Variants in DYNC1H1 observed in about 807,000 individuals in gnomAD.
DYNC1H1 encodes the protein dynein cytoplasmic 1 heavy chain 1.
In DYNC1H1, 51 loss-of-function variants were observed where a neutral mutation model predicts 527.1. That is an observed-to-expected ratio of 0.10 (90% CI 0.08 to 0.12). DYNC1H1 has a LOEUF of 0.12. DYNC1H1 is among the 10% of genes least tolerant of loss of function. The pLI is 1.00. For synonymous variants in DYNC1H1, 2,189 were observed against 2,278.8 expected (o/e 0.96, Z 1.12); for missense variants, 2,771 against 5,971.8 (o/e 0.46, Z 17.66).
Position 102,032,267 on chromosome 14 carries a change from C to T in DYNC1H1, c.9884-5C>T. Reference sequence around the variant, plus strand: ...CGACCCTCATCCACTCCTGCTGCCACTCAGCTGTGAAGTCGATCAAGAAGC... The same window carrying T: ...CGACCCTCATCCACTCCTGCTGCCATTCAGCTGTGAAGTCGATCAAGAAGC... On this transcript the variant is annotated splice_polypyrimidine_tract_variant and splice_region_variant and intron_variant, in intron 51 of 77. Coordinates refer to ENST00000360184, the MANE Select transcript of DYNC1H1 (RefSeq NM_001376.5). 1 of 1,613,620 alleles carries T rather than the reference C, an allele frequency of 6.2e-7. No individual in the cohort carries two copies. The highest frequency in any genetic ancestry group is 2.2e-5 in the East Asian group (1 of 44,884).
intron 4 of DYNC1H1, 138 bp from the exon 5 acceptor site, chr14:101,980,226 C>T: frequency 8.2e-7 from 1 of 1,221,974 alleles, no homozygotes; most frequent in Non-Finnish European, 1.2e-6. Flanking sequence ...GATTTCAAAT[C>T]AAGCCACTTT....
chr14:102,040,371 C>A lies in DYNC1H1; in HGVS notation c.11826C>A (p.Pro3942=), dbSNP rs372407438. The A allele has an allele frequency of 6.2e-7, 1 of 1,614,188 alleles. No individual in the cohort carries two copies. The highest frequency in any genetic ancestry group is 1.1e-5 in the South Asian group (1 of 91,084). The change falls in exon 63 of 78, where the codon CCC becomes CCA. Residue 3942 remains proline, a synonymous_variant. Coordinates refer to ENST00000360184, the MANE Select transcript of DYNC1H1 (RefSeq NM_001376.5). ...AEAVVRLSCL[P]AFKDLIAKVQ... ...CGGTGGTGAGGCTGAGCTGCCTTCCCGCGTTTAAGGACTTGATTGCAAAGG... is the reference window on the plus strand; with the variant it reads ...CGGTGGTGAGGCTGAGCTGCCTTCCAGCGTTTAAGGACTTGATTGCAAAGG...
chr14:102,009,641 T>C, intron 29 of DYNC1H1: 2 of 699,888 alleles, frequency 2.9e-6, no homozygotes, highest in Non-Finnish European at 4.6e-6. Flanking sequence ...GCACATGAGG[T>C]ACATGGGAAT....
intron 2 of DYNC1H1, among the ~76,000 whole-genome samples, chr14:101,978,722 T>A (rs2047829520): frequency 6.6e-6 from 1 of 152,174 alleles, no homozygotes; most frequent in Non-Finnish European, 1.5e-5. Flanking sequence ...ACATGAAGAC[T>A]GGAGAGATTG....
chr14:101,982,111 T>C (rs2047873813), intron 5 of DYNC1H1, among the ~76,000 whole-genome samples: 1 of 152,090 alleles, frequency 6.6e-6, no homozygotes, highest in Non-Finnish European at 1.5e-5. Context: ...TAGATTCTCA[T>C]AGGGGCGCAA....
intron 9 of DYNC1H1, among the ~76,000 whole-genome samples, chr14:101,988,345 G>A (rs1482651840): frequency 1.3e-5 from 2 of 152,228 alleles, no homozygotes; most frequent in Non-Finnish European, 2.9e-5. Context: ...GACAAGTGGG[G>A]ATGGGTAGAA....
At position 101,980,448 on chromosome 14, in the gene DYNC1H1, C is replaced by T. The variant is rs368436945; in HGVS notation, c.859C>T (p.Arg287Cys). Residue 287 changes from arginine (R) to cysteine (C), a missense_variant, in exon 5 of 78, where the codon CGC becomes TGC. Physicochemically the swap from Arg to Cys is radical, Grantham distance 180. Around this residue, in one of 32 missense-constraint regions of DYNC1H1, gnomAD observed 146 missense variants for 288.1 expected, o/e 0.51. Transcript: ENST00000360184. ...FWLNLERALY[R>C]IQEKRESPEV... ...GCTAAACTTGGAACGTGCGTTATACCGCATCCAGGAGAAACGGGAGAGCCC... is the reference window on the plus strand; with the variant it reads ...GCTAAACTTGGAACGTGCGTTATACTGCATCCAGGAGAAACGGGAGAGCCC... The T allele has an allele frequency of 2.5e-6, 4 of 1,614,176 alleles. No homozygotes were observed. Among genetic ancestry groups the T allele is most frequent in the Non-Finnish European group, 3.4e-6 (4 of 1,180,042 alleles).
rs548352500 is a variant in DYNC1H1, at chr14:101,965,993, C to A, written c.256+1046C>A. ...GATTCATTACAACCACTTTGTAGCC[C>A]ATTACAACCACTTTGGGTGTGGCGT... On this transcript the variant is annotated intron_variant, in intron 1 of 77. Transcript: ENST00000360184. The surrounding 1 kb of genome is among the most constrained non-coding windows in gnomAD (Gnocchi z 4.1). 2.0e-5 allele frequency among the ~76,000 whole-genome samples: 3 copies of A among 152,212 alleles called. No homozygotes were observed. In the East Asian group the frequency reaches 5.8e-4, roughly 30 times the overall value.
At position 101,983,684 on chromosome 14, in the gene DYNC1H1, TTG is replaced by T; in HGVS notation, c.1461+77_1461+78del. On this transcript the variant is annotated intron_variant, in intron 7 of 77. Coordinates refer to ENST00000360184, the MANE Select transcript of DYNC1H1 (RefSeq NM_001376.5). This position sits in a 1 kb window ranked among gnomAD's most constrained non-coding sequence, Gnocchi z 5.3. ...TTTTTTGTTTGGTGTTTTTTTTTTG[TTG>T]TTGTTGTTGAGATGAAGTTTCACTC... is the stretch of plus-strand genomic sequence containing the variant. 12 of 1,471,798 alleles carry T rather than the reference TTG, an allele frequency of 8.2e-6. No individual in the cohort carries two copies. Among genetic ancestry groups the T allele is most frequent in the African/African-American group, 1.4e-5 (1 of 69,584 alleles). The allele number at this position is 1,471,798 out of a possible 1,614,324, so 91.2% of individuals were successfully genotyped here.
chr14:102,048,183 C>T, intron 73 of DYNC1H1, 155 bp downstream of exon 73: 1 of 1,011,790 alleles, frequency 9.9e-7, no homozygotes, highest in Non-Finnish European at 1.5e-6. Context: ...TGAGCCCAGG[C>T]ATTGGGCAAG....
intron 11 of DYNC1H1, among the ~76,000 whole-genome samples, chr14:101,992,376 C>G (rs902987985): frequency 5.9e-5 from 9 of 152,304 alleles, no homozygotes; most frequent in Admixed American, 5.9e-4. Context: ...CACTGTCCAG[C>G]TAATCAGAAC....
At chr14:102,028,206 A>T (rs2048471771) in intron 48 of DYNC1H1, 65 bp downstream of exon 48, 1 of 1,585,374 alleles carries the variant, frequency 6.3e-7, no homozygotes, top group Admixed American at 1.7e-5. Flanking sequence ...TATAAAACTA[A>T]ATTGCTATAA....
At chr14:102,022,110 T>G (rs937501333) in intron 42 of DYNC1H1, among the ~76,000 whole-genome samples, 1 of 151,566 alleles carries the variant, frequency 6.6e-6, no homozygotes, top group East Asian at 2.0e-4. Flanking sequence ...CACTTCAGCC[T>G]GGGCAACAGA....
chr14:102,005,816 G>C lies in DYNC1H1; in HGVS notation c.5434-72G>C. On this transcript the variant is annotated intron_variant, in intron 26 of 77. Coordinates refer to ENST00000360184, the MANE Select transcript of DYNC1H1 (RefSeq NM_001376.5). This position sits in a 1 kb window ranked among gnomAD's most constrained non-coding sequence, Gnocchi z 4.0. ...CTAGAACCTCAATTTCAGTTTAACA[G>C]TCCACAAACCCGGAGAATGCACTGT... 2 of 1,595,236 alleles carry C rather than the reference G, an allele frequency of 1.3e-6. No individual in the cohort carries two copies. Among genetic ancestry groups the C allele is most frequent in the Admixed American group, 3.3e-5 (2 of 59,992 alleles).
rs2048830100 is a variant in DYNC1H1, at chr14:102,052,875, C to T, written c.*2312C>T. On this transcript the variant is annotated 3_prime_UTR_variant, in exon 78 of 78. Transcript: ENST00000360184. ...ACAGGGCGTCTACTATATGAACTTC[C>T]TCTGGACTCTGACTTCAGTGTGTAG... 1 of 152,212 alleles carries T rather than the reference C, an allele frequency of 6.6e-6. No homozygotes were observed. Among genetic ancestry groups the T allele is most frequent in the Non-Finnish European group, 1.5e-5 (1 of 68,050 alleles). 9.4% of individuals were successfully genotyped at this position (152,212 alleles called of 1,614,324 possible).
chr14:101,968,346 C>T (rs1425226783), intron 1 of DYNC1H1, among the ~76,000 whole-genome samples: 1 of 152,052 alleles, frequency 6.6e-6, no homozygotes, highest in South Asian at 2.1e-4. Context: ...GGCAGGAGTG[C>T]AGTGGCCCAG....
At chr14:102,040,842 C>T in intron 64 of DYNC1H1, 169 bp downstream of exon 64, 2 of 774,190 alleles carry the variant, frequency 2.6e-6, no homozygotes, top group Non-Finnish European at 4.3e-6. Flanking sequence ...ACCTGTAGTC[C>T]CATCTACTCG....
At position 101,964,594 on chromosome 14, in the gene DYNC1H1, C is replaced by G. The variant is rs1002259356; in HGVS notation, c.-98C>G. On this transcript the variant is annotated 5_prime_UTR_variant, in exon 1 of 78. Transcript: ENST00000360184. This position sits in a 1 kb window ranked among gnomAD's most constrained non-coding sequence, Gnocchi z 5.5. Reference sequence around the variant, plus strand: ...CCTCAGTCTGCGGTGGGCTAGCGGACGGTCCGGCTTCCGGCGGCCGTTTCT... The same window carrying G: ...CCTCAGTCTGCGGTGGGCTAGCGGAGGGTCCGGCTTCCGGCGGCCGTTTCT... The G allele has an allele frequency of 2.0e-5, 30 of 1,525,590 alleles. No individual in the cohort carries two copies. Among genetic ancestry groups the G allele is most frequent in the Non-Finnish European group, 2.4e-5 (27 of 1,141,584 alleles). The allele number at this position is 1,525,590 out of a possible 1,614,324, so 94.5% of individuals were successfully genotyped here.
chr14:102,043,548 G>C (rs758180773), intron 69 of DYNC1H1: 10 of 382,278 alleles, frequency 2.6e-5, no homozygotes, highest in Non-Finnish European at 4.5e-5. Flanking sequence ...AAACTCTTGG[G>C]CGAGAGGAGG....
Sources: gnomAD v4.1 joint callset for allele counts (sites outside exome capture counted in the v4.1 genomes callset) on GRCh38, gnomAD v4.1.1 for gene constraint, gnomAD v4.1.1 regional missense constraint, Gnocchi (gnomAD v3.1) non-coding constraint, MANE v1.5 for transcripts, NCBI Gene and HGNC (gene_info 2026-07-23, HGNC 2026-07-21) for gene names.